The following CCBE1 variants were observed in gnomAD, a reference collection of about 807,000 sequenced individuals.
The protein encoded by CCBE1 is collagen and calcium-binding EGF domain-containing protein 1.
A neutral mutation model predicts 50.0 loss-of-function variants in CCBE1; 37 were observed. That is an observed-to-expected ratio of 0.74 (90% CI 0.57 to 0.97). CCBE1 has a LOEUF of 0.97. Ranked by LOEUF, CCBE1 falls within the 50% of genes least tolerant of loss-of-function variation. The probability of loss-of-function intolerance (pLI) is 0.00; values close to 1 mark genes in which losing one functional copy is unlikely to be tolerated. For synonymous variants in CCBE1, 234 were observed against 203.7 expected (o/e 1.15, Z -1.27); for missense variants, 538 against 523.8 (o/e 1.03, Z -0.26).
In CCBE1 at chr18:59,523,825, C is replaced by T. The variant is rs373300859; in HGVS notation, c.213-43587G>A. 3.3e-5 allele frequency among the ~76,000 whole-genome samples: 5 copies of T among 152,176 alleles called. No homozygotes were observed. The South Asian group carries it at 1.0e-3, about 31-fold the overall frequency. ...ATCTCCTCCCCCTGGGCCCTCTGCACTGCACAATGTCACATGTTTGTGCAG... is the reference window on the plus strand; with the variant it reads ...ATCTCCTCCCCCTGGGCCCTCTGCATTGCACAATGTCACATGTTTGTGCAG... On this transcript the variant is annotated intron_variant, in intron 2 of 10. Coordinates refer to ENST00000439986, the MANE Select transcript of CCBE1 (RefSeq NM_133459.4).
chr18:59,489,481 G>A (rs144857924), intron 2 of CCBE1, among the ~76,000 whole-genome samples: 1 of 151,756 alleles, frequency 6.6e-6, no homozygotes, highest in Admixed American at 6.6e-5. Context: ...TGGTACAATC[G>A]CAGCTCACTG....
At chr18:59,629,638 C>A (rs1004140656) in intron 2 of CCBE1, among the ~76,000 whole-genome samples, 1 of 152,318 alleles carries the variant, frequency 6.6e-6, no homozygotes, top group South Asian at 2.1e-4. Context: ...TACTTTCCAT[C>A]AAGAAGTCAC....
At chr18:59,557,761 A>G (rs1210856972) in intron 2 of CCBE1, among the ~76,000 whole-genome samples, 1 of 151,646 alleles carries the variant, frequency 6.6e-6, no homozygotes, top group Admixed American at 6.6e-5. Flanking sequence ...GCCTGCTCCC[A>G]CTCTGTGGAG....
chr18:59,465,591 A>G (rs982243943), intron 5 of CCBE1: 4 of 152,236 alleles, frequency 2.6e-5, no homozygotes, highest in African/African-American at 9.6e-5. Flanking sequence ...ATGAACCACT[A>G]CAAAAATAAG....
At chr18:59,440,254 T>C (rs573788171) in intron 7 of CCBE1, among the ~76,000 whole-genome samples, 1 of 152,300 alleles carries the variant, frequency 6.6e-6, no homozygotes, top group South Asian at 2.1e-4. Context: ...TCAGGGAGAC[T>C]TGGGTTTGAA....
rs534799409 is a variant in CCBE1 at position 59,515,383 on chromosome 18, G to T, written c.213-35145C>A. Among the ~76,000 whole-genome samples the T allele has an allele frequency of 1.1e-4, 16 of 152,338 alleles. No individual in the cohort carries two copies. The South Asian group carries it at 3.3e-3, about 32-fold the overall frequency. ...TACTAAGCACTGTCTCTACACCCAG[G>T]AGGGGGGCCACTTCTCCTAAGCATG... On this transcript the variant is annotated intron_variant, in intron 2 of 10. Coordinates refer to ENST00000439986, the MANE Select transcript of CCBE1 (RefSeq NM_133459.4).
intron 5 of CCBE1, among the ~76,000 whole-genome samples, chr18:59,462,255 T>G (rs1911519861): frequency 6.6e-6 from 1 of 152,188 alleles, no homozygotes; most frequent in Admixed American, 6.5e-5. Context: ...TCTGCTGATA[T>G]CAACATCCTT....
At chr18:59,456,136 C>T (rs1054366790) in intron 5 of CCBE1, among the ~76,000 whole-genome samples, 1 of 152,170 alleles carries the variant, frequency 6.6e-6, no homozygotes, top group Non-Finnish European at 1.5e-5. Flanking sequence ...TACCGTGTGT[C>T]CCTCCCACTC....
intron 2 of CCBE1, chr18:59,563,696 AT>A (rs2052776492): frequency 1.3e-5 from 2 of 152,236 alleles, no homozygotes; most frequent in African/African-American, 4.8e-5. Flanking sequence ...CACTGAGGTC[AT>A]AAAAGATGAT....
chr18:59,451,686 C>A (rs1354832349), intron 6 of CCBE1, among the ~76,000 whole-genome samples: 5 of 152,188 alleles, frequency 3.3e-5, no homozygotes, highest in African/African-American at 1.2e-4. Context: ...AACTTCACAA[C>A]ACAAATATAT....
chr18:59,525,464 T>C (rs1319990441), intron 2 of CCBE1, among the ~76,000 whole-genome samples: 1 of 152,198 alleles, frequency 6.6e-6, no homozygotes, highest in Non-Finnish European at 1.5e-5. Context: ...GTCAGATGGA[T>C]AGGTTGCAAA....
chr18:59,468,864 A>ACC (rs142861316), intron 4 of CCBE1, among the ~76,000 whole-genome samples: 2 of 149,792 alleles, frequency 1.3e-5, no homozygotes, highest in Non-Finnish European at 3.0e-5. Context: ...CCAAACGAGG[A>ACC]CCCCAGATGT....
intron 2 of CCBE1, among the ~76,000 whole-genome samples, chr18:59,527,977 G>A (rs1914895510): frequency 6.6e-6 from 1 of 152,126 alleles, no homozygotes; most frequent in African/African-American, 2.4e-5. Flanking sequence ...TTCTCATGGA[G>A]TATTTTACTG....
chr18:59,492,345 T>C (rs1186472046), intron 2 of CCBE1, among the ~76,000 whole-genome samples: 1 of 152,072 alleles, frequency 6.6e-6, no homozygotes, highest in African/African-American at 2.4e-5. Flanking sequence ...TTCCCTTTTA[T>C]CTATGGTAAC....
At chr18:59,502,328 C>T (rs1913660165) in intron 2 of CCBE1, among the ~76,000 whole-genome samples, 1 of 152,236 alleles carries the variant, frequency 6.6e-6, no homozygotes, top group Non-Finnish European at 1.5e-5. Flanking sequence ...TGGTGGGACA[C>T]AGGCACGGGT....
chr18:59,671,820 A>AGG (rs1169790838), intron 2 of CCBE1, among the ~76,000 whole-genome samples: 13 of 130,036 alleles, frequency 1.0e-4, no homozygotes, highest in African/African-American at 3.2e-4. Flanking sequence ...GTTAAAAAAA[A>AGG]AGGGGGGGGG....
intron 2 of CCBE1, among the ~76,000 whole-genome samples, chr18:59,685,029 A>G (rs550814579): frequency 1.8e-4 from 28 of 152,346 alleles, no homozygotes; most frequent in African/African-American, 6.5e-4. Context: ...TGATACTCAC[A>G]AGGAAAGAAA....
At chr18:59,670,110 T>C (rs2054411735) in intron 2 of CCBE1, among the ~76,000 whole-genome samples, 1 of 151,188 alleles carries the variant, frequency 6.6e-6, no homozygotes, top group South Asian at 2.1e-4. Context: ...ATAGCATGTC[T>C]GTTTCAGAAA....
intron 5 of CCBE1, among the ~76,000 whole-genome samples, chr18:59,462,051 GC>G (rs1287218331): frequency 1.3e-5 from 2 of 152,018 alleles, no homozygotes; most frequent in African/African-American, 4.8e-5. Context: ...GTCATCTTTT[GC>G]AATGAGTTTT....
Sources: gnomAD v4.1 joint callset for allele counts (sites outside exome capture counted in the v4.1 genomes callset) on GRCh38, gnomAD v4.1.1 for gene constraint, MANE v1.5 for transcripts, NCBI Gene and HGNC (gene_info 2026-07-23, HGNC 2026-07-21) for gene names.